UBE3B: variants seen among roughly 807,000 people sequenced by gnomAD.
The protein encoded by UBE3B is ubiquitin-protein ligase E3B.
In UBE3B, 80 loss-of-function variants were observed where a neutral mutation model predicts 132.3. The ratio of observed to expected loss-of-function variants is 0.60; its 90% CI spans 0.50 to 0.73. UBE3B has a LOEUF of 0.73. Ranked by LOEUF, UBE3B falls within the 30% of genes least tolerant of loss-of-function variation. The pLI is 0.00. For synonymous variants in UBE3B, 487 were observed against 520.4 expected (o/e 0.94, Z 0.87); for missense variants, 1,196 against 1,362.5 (o/e 0.88, Z 1.92).
At chr12:109,538,969 C>T (rs1426138950), downstream of UBE3B, among the ~76,000 whole-genome samples, 1 of 152,214 alleles carries the variant, frequency 6.6e-6, no homozygotes, top group African/African-American at 2.4e-5. This position sits in a 1 kb window ranked among gnomAD's most constrained non-coding sequence, Gnocchi z 4.1. Flanking sequence ...GGCTCGGTAG[C>T]TCATGCCTGT....
chr12:109,539,484 C>T (rs530202194), downstream of UBE3B, among the ~76,000 whole-genome samples: 31 of 152,310 alleles, frequency 2.0e-4, no homozygotes, highest in African/African-American at 5.8e-4. Flanking sequence ...CTGCCGCCCA[C>T]GATCTGGGAG....
At position 109,526,259 on chromosome 12, in the gene UBE3B, T is replaced by C. The variant is rs540162340; in HGVS notation, c.2569-99T>C. ...CCAAGCATGTGCCATCTTAATTCCA[T>C]CATTATCATGGATGTTTGTGCTGGG... is the stretch of plus-strand genomic sequence containing the variant. On this transcript the variant is annotated intron_variant, in intron 23 of 27. Transcript: ENST00000342494. 6 of 1,229,488 alleles carry C rather than the reference T, an allele frequency of 4.9e-6. No homozygotes were observed. In the South Asian group the frequency reaches 6.3e-5, roughly 13 times the overall value. 76.2% of individuals were successfully genotyped at this position (1,229,488 alleles called of 1,614,324 possible).
intron 26 of UBE3B, 34 bp from the exon 27 acceptor site, chr12:109,533,432 G>T (rs765313107): frequency 1.3e-6 from 2 of 1,590,688 alleles, no homozygotes; most frequent in Non-Finnish European, 8.6e-7. Context: ...GCAGGAGCCT[G>T]CCCCGTCCCC....
chr12:109,496,136 TG>T (rs1878174840), intron 9 of UBE3B, among the ~76,000 whole-genome samples: 1 of 152,258 alleles, frequency 6.6e-6, no homozygotes, highest in Non-Finnish European at 1.5e-5. Flanking sequence ...TTGCCTGTTG[TG>T]GACATCTCAC....
chr12:109,507,484 T>G, intron 14 of UBE3B, 80 bp from the exon 15 acceptor site: 1 of 1,477,666 alleles, frequency 6.8e-7, no homozygotes, highest in South Asian at 1.3e-5. Flanking sequence ...TTAAGTGTTT[T>G]GTTTCCCCAC....
Position 109,534,897 on chromosome 12 carries a change from C to A in UBE3B, c.*115C>A. ...TGCCAGGTGACATTGGCCCCTAGAC[C>A]CTCTCTATAGCCATGAGACTCCTTG... is the stretch of plus-strand genomic sequence containing the variant. On this transcript the variant is annotated 3_prime_UTR_variant, in exon 28 of 28. Transcript: ENST00000342494. This position sits in a 1 kb window ranked among gnomAD's most constrained non-coding sequence, Gnocchi z 5.2. The A allele has an allele frequency of 2.3e-6, 2 of 881,564 alleles. No individual in the cohort carries two copies. The highest frequency in any genetic ancestry group is 3.3e-6 in the Non-Finnish European group (2 of 604,894). The allele number at this position is 881,564 out of a possible 1,614,324, so 54.6% of individuals were successfully genotyped here. A position where few individuals can be genotyped will look rare whatever the true frequency, so the allele number is the denominator to read the frequency against.
At position 109,490,663 on chromosome 12, in the gene UBE3B, C is replaced by CTG. The variant is rs1313343045; in HGVS notation, c.631-381_631-380dup. 2.7e-6 allele frequency: 4 copies of CTG among 1,504,468 alleles called. No individual in the cohort carries two copies. In the African/African-American group the frequency reaches 5.6e-5, roughly 21 times the overall value. 93.2% of individuals were successfully genotyped at this position (1,504,468 alleles called of 1,614,324 possible). ...AATATGATGTCTTTAAATTTTAAGT[C>CTG]TGGCATTATTTGTATTAGCTGTTTT... On this transcript the variant is annotated intron_variant, in intron 8 of 27. Coordinates refer to ENST00000342494, the MANE Select transcript of UBE3B (RefSeq NM_130466.4).
intron 9 of UBE3B, among the ~76,000 whole-genome samples, chr12:109,497,412 A>G (rs551827842): frequency 2.6e-5 from 4 of 152,292 alleles, no homozygotes; most frequent in South Asian, 2.1e-4. Flanking sequence ...TTGGTGAGTT[A>G]CCACAGAGTG....
chr12:109,532,917 C>T (rs990892384), intron 26 of UBE3B, among the ~76,000 whole-genome samples: 1 of 152,254 alleles, frequency 6.6e-6, no homozygotes, highest in Non-Finnish European at 1.5e-5. Context: ...GCTCAGGTGA[C>T]TGCACCTGTG....
At position 109,521,453 on chromosome 12, in the gene UBE3B, G is replaced by A. The variant is rs1348972246; in HGVS notation, c.2266G>A (p.Asp756Asn). The A allele has an allele frequency of 1.3e-6, 2 of 1,584,384 alleles. No homozygotes were observed. Among genetic ancestry groups the A allele is most frequent in the South Asian group, 1.1e-5 (1 of 87,796 alleles). The change falls in exon 21 of 28, where the codon GAT becomes AAT. Residue 756 changes from aspartate (D) to asparagine (N), a missense_variant. Physicochemically the swap from Asp to Asn is conservative, Grantham distance 23 (BLOSUM62 1). Transcript: ENST00000342494. The surrounding 1 kb of genome is among the most constrained non-coding windows in gnomAD (Gnocchi z 4.2). Reference protein sequence around the residue: ...ALNLFKTTSGDERLYPSPTSY... With the variant: ...ALNLFKTTSGNERLYPSPTSY... ...TTTTGCCTTGCAGACAACCAGTGGG[G>A]ATGAGAGGCTGTACCCCTCACCCAC...
rs1452405741 is a variant in UBE3B at position 109,498,331 on chromosome 12, A to G, written c.918A>G (p.Gly306=). Residue 306 remains glycine (G), a synonymous_variant, in exon 11 of 28, where the codon GGA becomes GGG. Coordinates refer to ENST00000342494, the MANE Select transcript of UBE3B (RefSeq NM_130466.4). ...GTGATGTATGTGAAAGTTTAGAAGG[A>G]TGCCATACGCTTTGTCTAATGGGTA... ...RCRDVCESLE[G]CHTLCLMGNL... 6.2e-7 allele frequency: 1 copy of G among 1,614,144 alleles called. No homozygotes were observed. The highest frequency in any genetic ancestry group is 1.1e-5 in the South Asian group (1 of 91,064).
chr12:109,542,574 T>C, the UBE3B span, among the ~76,000 whole-genome samples: 1 of 152,134 alleles, frequency 6.6e-6, no homozygotes, highest in African/African-American at 2.4e-5. Context: ...TGTAACTAGT[T>C]CAGATGAGGT....
rs1883411611 is a variant in UBE3B, at chr12:109,536,104, C to T, written c.*1322C>T. On this transcript the variant is annotated 3_prime_UTR_variant, in exon 28 of 28. Transcript: ENST00000342494. ...GCAGCAAAGCAGGGGCCACCCGTCT[C>T]CACAGTCCTTCAGAGTTTCAGCTGC... is the stretch of plus-strand genomic sequence containing the variant. 1 of 152,302 alleles carries T rather than the reference C, an allele frequency of 6.6e-6. No individual in the cohort carries two copies. The highest frequency in any genetic ancestry group is 1.5e-5 in the Non-Finnish European group (1 of 68,080). The allele number at this position is 152,302 out of a possible 1,614,324, so 9.4% of individuals were successfully genotyped here.
chr12:109,527,493 C>T (rs1248926382), intron 24 of UBE3B, among the ~76,000 whole-genome samples: 1 of 152,208 alleles, frequency 6.6e-6, no homozygotes, highest in East Asian at 1.9e-4. Context: ...AGATGCACGT[C>T]GCAGTCCAGT....
At chr12:109,511,128 G>C in intron 17 of UBE3B, 76 bp from the exon 18 acceptor site, 2 of 1,325,428 alleles carry the variant, frequency 1.5e-6, no homozygotes, top group Non-Finnish European at 2.1e-6. Flanking sequence ...GGCCCACATG[G>C]TGTCATTTCC....
rs374891002 is a variant in UBE3B at position 109,494,180 on chromosome 12, G to T, written c.713+3053G>T. 2.6e-5 allele frequency among the ~76,000 whole-genome samples: 4 copies of T among 152,224 alleles called. No homozygotes were observed. The South Asian group carries it at 6.2e-4, about 24-fold the overall frequency. ...AAGGCCCAGAGAAGTTAAACTGTTTGCTCTTGGTCACACAGCAGGGAGTGG... is the reference window on the plus strand; with the variant it reads ...AAGGCCCAGAGAAGTTAAACTGTTTTCTCTTGGTCACACAGCAGGGAGTGG... On this transcript the variant is annotated intron_variant, in intron 9 of 27. Transcript: ENST00000342494.
chr12:109,543,967 A>G, the UBE3B span, among the ~76,000 whole-genome samples: 1 of 151,946 alleles, frequency 6.6e-6, no homozygotes, highest in Non-Finnish European at 1.5e-5. Context: ...GGGCCACCCG[A>G]GATGTTAGCA....
chr12:109,504,542 G>T (rs950671237), intron 14 of UBE3B, among the ~76,000 whole-genome samples: 1 of 152,180 alleles, frequency 6.6e-6, no homozygotes, highest in Non-Finnish European at 1.5e-5. Context: ...GGAGAAGACC[G>T]GGGGCAGGGC....
intron 1 of UBE3B, among the ~76,000 whole-genome samples, chr12:109,479,744 T>C (rs1479681602): frequency 6.6e-6 from 1 of 152,220 alleles, no homozygotes; most frequent in African/African-American, 2.4e-5. Flanking sequence ...ATAACATTGC[T>C]GAAGGGATAA....
Sources: gnomAD v4.1 joint callset for allele counts (sites outside exome capture counted in the v4.1 genomes callset) on GRCh38, gnomAD v4.1.1 for gene constraint, Gnocchi (gnomAD v3.1) non-coding constraint, MANE v1.5 for transcripts, NCBI Gene and HGNC (gene_info 2026-07-23, HGNC 2026-07-21) for gene names.